RBM23: variants seen among roughly 807,000 people sequenced by gnomAD.
The protein encoded by RBM23 is RNA binding motif protein 23.
A neutral mutation model predicts 56.2 loss-of-function variants in RBM23; 53 were observed. The ratio of observed to expected loss-of-function variants is 0.94; its 90% CI spans 0.76 to 1.19. RBM23 has a LOEUF of 1.19. Ranked by LOEUF, RBM23 falls within the 50% of genes most tolerant of loss-of-function variation. The pLI, the probability that RBM23 is intolerant of heterozygous loss-of-function variation, is 0.00. For missense variants in RBM23, 642 were observed against 590.3 expected (o/e 1.09, Z -0.91); for synonymous variants, 197 against 198.5 (o/e 0.99, Z 0.06).
At chr14:22,914,815 C>T (rs555478399) in intron 1 of RBM23, among the ~76,000 whole-genome samples, 2 of 151,448 alleles carry the variant, frequency 1.3e-5, no homozygotes, top group Admixed American at 1.3e-4. Context: ...AAACCTCATC[C>T]CCATTAAAGA....
At chr14:22,904,737 C>CT in intron 9 of RBM23, 138 bp downstream of exon 9, 1 of 1,300,394 alleles carries the variant, frequency 7.7e-7, no homozygotes, top group Non-Finnish European at 1.1e-6. Flanking sequence ...GCCAAACTTT[C>CT]ACAGCATAGA....
At chr14:22,907,850 T>C (rs2041831893) in intron 4 of RBM23, among the ~76,000 whole-genome samples, 1 of 152,190 alleles carries the variant, frequency 6.6e-6, no homozygotes, top group South Asian at 2.1e-4. Flanking sequence ...TCTGCAGGCC[T>C]AGGCTCATGT....
At chr14:22,904,746 G>T in intron 9 of RBM23, 129 bp downstream of exon 9, 1 of 1,349,356 alleles carries the variant, frequency 7.4e-7, no homozygotes, top group South Asian at 1.4e-5. Flanking sequence ...TCACAGCATA[G>T]ACTCATATGC....
chr14:22,906,837 G>A (rs766914034), intron 4 of RBM23, among the ~76,000 whole-genome samples: 8 of 151,406 alleles, frequency 5.3e-5, no homozygotes, highest in Non-Finnish European at 1.0e-4. Context: ...TCGAGAGTTC[G>A]AGACCAGCCT....
chr14:22,905,940 G>C (rs2041465269), intron 5 of RBM23: 2 of 594,842 alleles, frequency 3.4e-6, no homozygotes, highest in Admixed American at 3.1e-5. Context: ...TGTAGAACCA[G>C]GGTTTCGCCA....
At chr14:22,912,548 C>T (rs2042710447) in intron 1 of RBM23, among the ~76,000 whole-genome samples, 1 of 152,024 alleles carries the variant, frequency 6.6e-6, no homozygotes, top group African/African-American at 2.4e-5. Flanking sequence ...CCAAAGAAAA[C>T]CAATAGGATA....
chr14:22,907,180 C>A (rs575208225), intron 4 of RBM23, among the ~76,000 whole-genome samples: 1 of 145,098 alleles, frequency 6.9e-6, no homozygotes, highest in Admixed American at 6.9e-5. Flanking sequence ...TCTCAAAAAA[C>A]AAACCAAAAA....
Position 22,896,534 on chromosome 14 carries a change from C to T in RBM23, c.*5196G>A, listed in dbSNP as rs2040251236. Reference sequence around the variant, plus strand: ...TCCGATTTCCAAGGTCATTGTTTCTCCTTTCTACAATCCGGCACTGACTGG... The same window carrying T: ...TCCGATTTCCAAGGTCATTGTTTCTTCTTTCTACAATCCGGCACTGACTGG... On this transcript the variant is annotated 3_prime_UTR_variant, in exon 14 of 14. Coordinates refer to ENST00000359890, the MANE Select transcript of RBM23 (RefSeq NM_001077351.2). 6.6e-6 allele frequency: 1 copy of T among 152,210 alleles called. No individual in the cohort carries two copies. The highest frequency in any genetic ancestry group is 1.5e-5 in the Non-Finnish European group (1 of 68,034). 9.4% of individuals were successfully genotyped at this position (152,210 alleles called of 1,614,324 possible).
At position 22,912,475 on chromosome 14, in the gene RBM23, C is replaced by T. The variant is rs552936465; in HGVS notation, c.-10-1072G>A. Among the ~76,000 whole-genome samples, 5 of 152,266 alleles carry T rather than the reference C, an allele frequency of 3.3e-5. No homozygotes were observed. The South Asian group carries it at 1.0e-3, about 32-fold the overall frequency. On this transcript the variant is annotated intron_variant, in intron 1 of 13. Coordinates refer to ENST00000359890, the MANE Select transcript of RBM23 (RefSeq NM_001077351.2). Reference sequence around the variant, plus strand: ...AACGTGCCTCCCCAAGCTTTCACATCTAGAAACTGCCTCTCCCCAGGCTGT... The same window carrying T: ...AACGTGCCTCCCCAAGCTTTCACATTTAGAAACTGCCTCTCCCCAGGCTGT...
chr14:22,903,463 A>G (rs2040974267), intron 10 of RBM23: 14 of 985,422 alleles, frequency 1.4e-5, no homozygotes, highest in Non-Finnish European at 1.6e-5. Context: ...TTAGCTAGCT[A>G]GCAGCATTAC....
Position 22,904,858 on chromosome 14 carries a change from C to A in RBM23, c.864+17G>T, listed in dbSNP as rs1411106404. The A allele has an allele frequency of 6.2e-7, 1 of 1,613,808 alleles. No individual in the cohort carries two copies. Among genetic ancestry groups the A allele is most frequent in the African/African-American group, 1.3e-5 (1 of 74,928 alleles). ...TTCTTCCAATTCCCTTCAGAGGTTTCTCTCACTTCTACTCACTTTACCAAA... is the reference window on the plus strand; with the variant it reads ...TTCTTCCAATTCCCTTCAGAGGTTTATCTCACTTCTACTCACTTTACCAAA... On this transcript the variant is annotated intron_variant, in intron 9 of 13. Transcript: ENST00000359890.
intron 1 of RBM23, among the ~76,000 whole-genome samples, chr14:22,912,604 AT>A (rs2042719221): frequency 6.6e-6 from 1 of 152,206 alleles, no homozygotes; most frequent in Non-Finnish European, 1.5e-5. Flanking sequence ...CCACACATGG[AT>A]GAATCTCAAA....
At chr14:22,918,693 G>A (rs930394675) in intron 1 of RBM23, among the ~76,000 whole-genome samples, 2 of 152,108 alleles carry the variant, frequency 1.3e-5, no homozygotes, top group Admixed American at 6.6e-5. Flanking sequence ...CCTCTCCAGT[G>A]TGGGCGACCC....
chr14:22,905,537 G>A, intron 6 of RBM23, 69 bp downstream of exon 6: 2 of 1,597,170 alleles, frequency 1.3e-6, no homozygotes, highest in African/African-American at 1.3e-5. Context: ...ACACATTCCT[G>A]TAATTTGGCT....
At position 22,898,118 on chromosome 14, in the gene RBM23, C is replaced by T. The variant is rs544841533; in HGVS notation, c.*3612G>A. The stretch of plus-strand genomic sequence containing the variant: ...TATAATTCCATCCTTCAGGTTTTTA[C>T]TCAATTCCCTTCATGATATGCTCCA... On this transcript the variant is annotated 3_prime_UTR_variant, in exon 14 of 14. Coordinates refer to ENST00000359890, the MANE Select transcript of RBM23 (RefSeq NM_001077351.2). The T allele has an allele frequency of 1.3e-5, 2 of 152,194 alleles. No homozygotes were observed. Among genetic ancestry groups the T allele is most frequent in the Non-Finnish European group, 2.9e-5 (2 of 68,028 alleles). The allele number at this position is 152,194 out of a possible 1,614,324, so 9.4% of individuals were successfully genotyped here.
chr14:22,915,639 G>C (rs1330421765), intron 1 of RBM23, among the ~76,000 whole-genome samples: 1 of 151,804 alleles, frequency 6.6e-6, no homozygotes, highest in Non-Finnish European at 1.5e-5. Flanking sequence ...GGGATTACAG[G>C]TGCCCGCCAC....
At chr14:22,902,483 GCTCA>G in intron 10 of RBM23, 101 bp from the exon 11 acceptor site, 1 of 1,457,570 alleles carries the variant, frequency 6.9e-7, no homozygotes, top group Non-Finnish European at 9.1e-7. Context: ...AAAATTGTAT[GCTCA>G]CTGAGGTACA....
intron 10 of RBM23, chr14:22,903,602 G>A: frequency 1.0e-6 from 1 of 991,562 alleles, no homozygotes; most frequent in Non-Finnish European, 1.2e-6. Flanking sequence ...TCTGCCCTGT[G>A]GGTCACTGTG....
At position 22,902,201 on chromosome 14, in the gene RBM23, G is replaced by C. The variant is rs1346136314; in HGVS notation, c.1112C>G (p.Ala371Gly). 1 of 1,613,860 alleles carries C rather than the reference G, an allele frequency of 6.2e-7. No homozygotes were observed. The highest frequency in any genetic ancestry group is 1.1e-5 in the South Asian group (1 of 91,082). The change falls in exon 11 of 14, where the codon GCA (alanine) becomes GGA (glycine). Residue 371 changes from alanine to glycine, a missense_variant. Ala to Gly is a moderately conservative substitution (Grantham distance 60, BLOSUM62 0). Transcript: ENST00000359890. Reference sequence around the variant, plus strand: ...AGATATTTTACCTTCTGCCAGTTTTGCCATGAGCTGAAAACGTCCACCTGC... The same window carrying C: ...AGATATTTTACCTTCTGCCAGTTTTCCCATGAGCTGAAAACGTCCACCTGC... ...GSAGGRFQLM[A>G]KLAEGAGIQL...
Sources: gnomAD v4.1 joint callset for allele counts (sites outside exome capture counted in the v4.1 genomes callset) on GRCh38, gnomAD v4.1.1 for gene constraint, MANE v1.5 for transcripts, NCBI Gene and HGNC (gene_info 2026-07-23, HGNC 2026-07-21) for gene names.